The following CFAP54 variants were observed in gnomAD, a reference collection of about 807,000 sequenced individuals.
CFAP54 encodes the protein cilia- and flagella-associated protein 54.
CFAP54 carries 290 observed loss-of-function variants against 370.4 expected under a neutral mutation model. The ratio of observed to expected loss-of-function variants is 0.78; its 90% confidence interval spans 0.71 to 0.86. The LOEUF is 0.86. Among genes scored for constraint, CFAP54 ranks in the 40% least tolerant of loss-of-function variants. CFAP54 has a pLI of 0.00. For missense variants in CFAP54, 3,399 were observed against 3,528.7 expected (o/e 0.96, Z 0.93); for synonymous variants, 1,206 against 1,236.5 (o/e 0.98, Z 0.52).
intron 13 of CFAP54, 81 bp from the exon 14 acceptor site, chr12:96,540,756 A>T (rs1378319311): frequency 2.3e-6 from 2 of 869,886 alleles, no homozygotes; most frequent in African/African-American, 1.8e-5. Context: ...GTTTCAAGGA[A>T]GTATAAGTTT....
At chr12:96,574,920 G>A (rs1309541934) in intron 19 of CFAP54, among the ~76,000 whole-genome samples, 1 of 151,966 alleles carries the variant, frequency 6.6e-6, no homozygotes, top group Non-Finnish European at 1.5e-5. Flanking sequence ...TCTGTATTTG[G>A]AAACATTTAA....
intron 40 of CFAP54, chr12:96,682,146 GAA>G: frequency 1.0e-6 from 1 of 981,408 alleles, no homozygotes; most frequent in Non-Finnish European, 1.2e-6. Flanking sequence ...ATTTAGGAGA[GAA>G]AGGAGAAATA....
intron 65 of CFAP54, among the ~76,000 whole-genome samples, chr12:96,827,018 A>G (rs1959123941): frequency 7.5e-6 from 1 of 134,218 alleles, no homozygotes; most frequent in African/African-American, 2.8e-5. Context: ...TATAATATGC[A>G]ATTATATGTG....
intron 1 of CFAP54, among the ~76,000 whole-genome samples, chr12:96,495,704 C>T (rs748301795): frequency 3.9e-5 from 6 of 152,024 alleles, no homozygotes; most frequent in Non-Finnish European, 8.8e-5. Flanking sequence ...AAATGATGTA[C>T]ATTCTATAGT....
intron 64 of CFAP54, 84 bp from the exon 65 acceptor site, chr12:96,817,691 A>T: frequency 2.4e-6 from 2 of 839,798 alleles, no homozygotes; most frequent in Non-Finnish European, 3.3e-6. Flanking sequence ...AAGTGCTGGG[A>T]TTACAGGCGT....
chr12:96,683,512 C>T (rs377679969), intron 40 of CFAP54, among the ~76,000 whole-genome samples: 2 of 152,168 alleles, frequency 1.3e-5, no homozygotes, highest in African/African-American at 2.4e-5. Flanking sequence ...AAACGAAGTT[C>T]GATGTGAATT....
At chr12:96,576,145 T>C (rs1955972893) in intron 19 of CFAP54, among the ~76,000 whole-genome samples, 1 of 152,076 alleles carries the variant, frequency 6.6e-6, no homozygotes, top group South Asian at 2.1e-4. Flanking sequence ...TCAATAATAT[T>C]TATTTCATAA....
Position 96,817,782 on chromosome 12 carries a change from G to A in CFAP54, c.8965G>A (p.Ala2989Thr). Residue 2989 changes from alanine (A) to threonine (T), a missense_variant, in exon 65 of 68, where the codon GCA becomes ACA. Transcript: ENST00000524981. ...TATATTTGTTATTTTCAGGGTTATT[G>A]CAATTCATGAGAAATTATCTAATCT... ...SLWIPLNRVI[A>T]IHEKLSNLAQ... 6.8e-7 allele frequency: 1 copy of A among 1,470,828 alleles called. No homozygotes were observed. The highest frequency in any genetic ancestry group is 9.0e-7 in the Non-Finnish European group (1 of 1,112,732). 91.1% of individuals were successfully genotyped at this position (1,470,828 alleles called of 1,614,324 possible).
intron 47 of CFAP54, among the ~76,000 whole-genome samples, chr12:96,707,494 T>C (rs1385922615): frequency 6.6e-6 from 1 of 152,060 alleles, no homozygotes; most frequent in East Asian, 1.9e-4. Flanking sequence ...GGAGAGAAAC[T>C]GGAACTCTTC....
At chr12:96,795,871 C>T (rs1958755884) in intron 63 of CFAP54, among the ~76,000 whole-genome samples, 1 of 152,180 alleles carries the variant, frequency 6.6e-6, no homozygotes, top group Non-Finnish European at 1.5e-5. Context: ...TCCCTGTGAT[C>T]TTTCCCCAAT....
chr12:96,824,280 C>T (rs1018230252), intron 65 of CFAP54, among the ~76,000 whole-genome samples: 1 of 152,086 alleles, frequency 6.6e-6, no homozygotes, highest in African/African-American at 2.4e-5. Flanking sequence ...CATGTGTATG[C>T]GGTTTACCTC....
At chr12:96,489,957 C>G in intron 1 of CFAP54, 31 bp downstream of exon 1, 1 of 1,510,702 alleles carries the variant, frequency 6.6e-7, no homozygotes, top group South Asian at 1.2e-5. Context: ...GGGGAGGGCG[C>G]CGGCCAGAGG....
intron 60 of CFAP54, among the ~76,000 whole-genome samples, chr12:96,775,417 A>T (rs1474285375): frequency 6.6e-6 from 1 of 152,156 alleles, no homozygotes; most frequent in Non-Finnish European, 1.5e-5. Context: ...CAACAGAGTG[A>T]GATTCCATCC....
At chr12:96,647,500 A>AAAAAAAAAAAC (rs1565927578) in intron 33 of CFAP54, among the ~76,000 whole-genome samples, 39 of 145,200 alleles carry the variant, frequency 2.7e-4, no homozygotes, top group South Asian at 6.8e-4. Context: ...AAAAAAAGAA[A>AAAAAAAAAAAC]TGCCATTGAT....
At position 96,756,296 on chromosome 12, in the gene CFAP54, G is replaced by C. The variant is rs114948415; in HGVS notation, c.7841-162G>C. Among the ~76,000 whole-genome samples, 1,086 of 152,270 alleles carry C rather than the reference G, an allele frequency of 7.1e-3. 12 individuals carry two copies. Among genetic ancestry groups the C allele is most frequent in the African/African-American group, 0.024 (993 of 41,544 alleles). ...AAGCCTGAGGGTTCTGAAGAAGGAGGCAATGGATCTTTCCTCATTGGCTTA... is the reference window on the plus strand; with the variant it reads ...AAGCCTGAGGGTTCTGAAGAAGGAGCCAATGGATCTTTCCTCATTGGCTTA... On this transcript the variant is annotated intron_variant, in intron 56 of 67. Transcript: ENST00000524981.
At chr12:96,650,561 TTTTC>T (rs1410307578) in intron 35 of CFAP54, among the ~76,000 whole-genome samples, 5 of 152,046 alleles carry the variant, frequency 3.3e-5, no homozygotes, top group African/African-American at 1.2e-4. Context: ...TCTCAAATGC[TTTTC>T]TTTCTTTTTC....
chr12:96,517,153 G>C (rs1955245243), intron 5 of CFAP54, among the ~76,000 whole-genome samples: 1 of 152,108 alleles, frequency 6.6e-6, no homozygotes, highest in East Asian at 1.9e-4. Context: ...GTTTAAACTT[G>C]AAAGATGGTT....
intron 22 of CFAP54, among the ~76,000 whole-genome samples, chr12:96,586,186 C>T (rs1956074837): frequency 6.6e-6 from 1 of 152,138 alleles, no homozygotes; most frequent in South Asian, 2.1e-4. Context: ...TTGCTGGATG[C>T]CACTGCCAGA....
intron 56 of CFAP54, among the ~76,000 whole-genome samples, chr12:96,754,610 G>A (rs1486938519): frequency 6.6e-6 from 1 of 152,156 alleles, no homozygotes; most frequent in East Asian, 1.9e-4. Flanking sequence ...AAATGATAGT[G>A]CCCAGATGTG....
Sources: allele counts gnomAD v4.1 joint callset (sites outside exome capture counted in the v4.1 genomes callset), GRCh38; gene constraint gnomAD v4.1.1; transcripts MANE v1.5; gene names NCBI Gene and HGNC (gene_info 2026-07-23, HGNC 2026-07-21).